TULP3: variants seen among roughly 807,000 people sequenced by gnomAD.
TULP3 encodes TUB like protein 3.
TULP3 carries 38 observed loss-of-function variants against 50.7 expected under a neutral mutation model. The ratio of observed to expected loss-of-function variants is 0.75; its 90% CI spans 0.58 to 0.98. The LOEUF is 0.98. TULP3 is among the 50% of genes least tolerant of loss of function. TULP3 has a pLI of 0.00. For synonymous variants in TULP3, 183 were observed against 196.6 expected (o/e 0.93, Z 0.58); for missense variants, 550 against 568.0 (o/e 0.97, Z 0.32).
At position 2,897,077 on chromosome 12, in the gene TULP3, C is replaced by T. The variant is rs983988949; in HGVS notation, c.41+6089C>T. On this transcript the variant is annotated intron_variant, in intron 1 of 10. Transcript: ENST00000448120. Reference sequence around the variant, plus strand: ...AGGCTGGAGTGCAGTGGCAGGATCTCGGCTCATGGCAACCTCCACCTCCTG... The same window carrying T: ...AGGCTGGAGTGCAGTGGCAGGATCTTGGCTCATGGCAACCTCCACCTCCTG... Among the ~76,000 whole-genome samples the T allele has an allele frequency of 2.6e-5, 4 of 152,000 alleles. No individual in the cohort carries two copies. The South Asian group carries it at 6.2e-4, about 24-fold the overall frequency.
intron 2 of TULP3, among the ~76,000 whole-genome samples, chr12:2,910,797 T>TACACAC (rs540803747): frequency 6.6e-6 from 1 of 152,056 alleles, no homozygotes; most frequent in Non-Finnish European, 1.5e-5. Flanking sequence ...AAAATTCTGT[T>TACACAC]ACACACACAC....
At chr12:2,936,688 G>A (rs1370930577) in intron 8 of TULP3, among the ~76,000 whole-genome samples, 3 of 152,116 alleles carry the variant, frequency 2.0e-5, no homozygotes, top group Middle Eastern at 3.4e-3. Flanking sequence ...GGCGGAGGTT[G>A]TGGTGAGCTG....
chr12:2,900,023 T>C (rs1490916946), intron 1 of TULP3, among the ~76,000 whole-genome samples: 1 of 151,692 alleles, frequency 6.6e-6, no homozygotes, highest in Non-Finnish European at 1.5e-5. Flanking sequence ...GAGACTAGCC[T>C]GGCCAATGTG....
chr12:2,897,681 G>T (rs2098176338), intron 1 of TULP3, among the ~76,000 whole-genome samples: 1 of 149,402 alleles, frequency 6.7e-6, no homozygotes, highest in Non-Finnish European at 1.5e-5. Context: ...GGCTAGTCTT[G>T]AACTCGGGCC....
At chr12:2,921,050 T>C (rs2098191393) in intron 3 of TULP3, 128 bp downstream of exon 3, 1 of 1,109,530 alleles carries the variant, frequency 9.0e-7, no homozygotes. Context: ...TCATAAATCT[T>C]TATAATCACA....
chr12:2,905,909 G>A (rs1237639270), intron 1 of TULP3, among the ~76,000 whole-genome samples: 7 of 151,820 alleles, frequency 4.6e-5, no homozygotes, highest in Admixed American at 4.6e-4. Flanking sequence ...TGAGAACAGA[G>A]TGCAGATTTG....
chr12:2,899,355 A>C (rs1227869517), intron 1 of TULP3, among the ~76,000 whole-genome samples: 6 of 151,820 alleles, frequency 4.0e-5, no homozygotes, highest in Non-Finnish European at 8.8e-5. Flanking sequence ...CAAAAAAAAA[A>C]AAAAAAAAAC....
intron 2 of TULP3, 46 bp from the exon 3 acceptor site, chr12:2,920,717 C>T (rs1591531876): frequency 6.2e-7 from 1 of 1,605,914 alleles, no homozygotes; most frequent in Non-Finnish European, 8.5e-7. Flanking sequence ...ATGGTTAGGT[C>T]ATGTCAAAAC....
chr12:2,919,399 T>C (rs1312487771), intron 2 of TULP3, among the ~76,000 whole-genome samples: 1 of 152,186 alleles, frequency 6.6e-6, no homozygotes, highest in African/African-American at 2.4e-5. Context: ...CCCAATCTTT[T>C]CCCTCTATAT....
Position 2,929,826 on chromosome 12 carries a change from T to A in TULP3, c.395-422T>A, listed in dbSNP as rs570072564. 3.3e-5 allele frequency among the ~76,000 whole-genome samples: 5 copies of A among 151,840 alleles called. No homozygotes were observed. The South Asian group carries it at 1.0e-3, about 32-fold the overall frequency. On this transcript the variant is annotated intron_variant, in intron 4 of 10. Transcript: ENST00000448120. Reference sequence around the variant, plus strand: ...GGATGGTCTCAATCTCCTGACTTCGTGATCTGCCCACCTCAGCCTCCCAAA... The same window carrying A: ...GGATGGTCTCAATCTCCTGACTTCGAGATCTGCCCACCTCAGCCTCCCAAA...
rs1164485588 is a variant in TULP3, at chr12:2,939,468, T to A, written c.*24T>A. The A allele has an allele frequency of 6.2e-7, 1 of 1,613,260 alleles. No individual in the cohort carries two copies. The highest frequency in any genetic ancestry group is 1.1e-5 in the South Asian group (1 of 90,898). ...GAGAGAACAGTCAGGCAGGGAGCCC[T>A]TCTCCCCACAGAGCTTTCAGGAGCA... On this transcript the variant is annotated 3_prime_UTR_variant, in exon 11 of 11. Transcript: ENST00000448120. This position sits in a 1 kb window ranked among gnomAD's most constrained non-coding sequence, Gnocchi z 4.0.
At chr12:2,893,983 T>G (rs147355125) in intron 1 of TULP3, among the ~76,000 whole-genome samples, 1 of 151,618 alleles carries the variant, frequency 6.6e-6, no homozygotes, top group African/African-American at 2.4e-5. Flanking sequence ...AAATTGGAGG[T>G]GAAATTTGAA....
At chr12:2,929,803 A>C (rs926980632) in intron 4 of TULP3, among the ~76,000 whole-genome samples, 8 of 151,842 alleles carry the variant, frequency 5.3e-5, no homozygotes, top group Non-Finnish European at 8.8e-5. Flanking sequence ...GTTAGCCAGG[A>C]TGGTCTCAAT....
At chr12:2,894,167 T>C (rs997156036) in intron 1 of TULP3, among the ~76,000 whole-genome samples, 6 of 151,906 alleles carry the variant, frequency 3.9e-5, no homozygotes, top group African/African-American at 1.5e-4. Flanking sequence ...GCTGGAGTCA[T>C]CTAAGAAATC....
In TULP3 at chr12:2,939,843, G is replaced by A; in HGVS notation, c.*399G>A. 1 of 1,193,148 alleles carries A rather than the reference G, an allele frequency of 8.4e-7. No individual in the cohort carries two copies. Among genetic ancestry groups the A allele is most frequent in the Non-Finnish European group, 1.1e-6 (1 of 943,464 alleles). The allele number at this position is 1,193,148 out of a possible 1,614,324, so 73.9% of individuals were successfully genotyped here. On this transcript the variant is annotated 3_prime_UTR_variant, in exon 11 of 11. Transcript: ENST00000448120. The surrounding 1 kb of genome is among the most constrained non-coding windows in gnomAD (Gnocchi z 4.0). ...CCGCGCACTCTCACTCCTTTTCCAG[G>A]TTTCATAGACTTGGTGAGGGATCAC...
intron 2 of TULP3, among the ~76,000 whole-genome samples, chr12:2,916,361 C>CT (rs2098188703): frequency 1.3e-5 from 2 of 151,544 alleles, no homozygotes; most frequent in African/African-American, 4.9e-5. Flanking sequence ...ATCTGATCTC[C>CT]TTTAATTTCT....
intron 2 of TULP3, among the ~76,000 whole-genome samples, chr12:2,911,731 A>C (rs1267790682): frequency 1.9e-5 from 2 of 106,828 alleles, no homozygotes; most frequent in African/African-American, 7.4e-5. Context: ...TAGAGACATA[A>C]AATTTTATAG....
rs1292976314 is a variant in TULP3 at position 2,922,358 on chromosome 12, A to T, written c.350A>T (p.Asp117Val). Residue 117 changes from aspartate (D) to valine (V), a missense_variant, in exon 4 of 11, where the codon GAT (aspartate) becomes GTT (valine). Transcript: ENST00000448120. ...GAAGAAGATGCTGAAAACACCGTGG[A>T]TACTGCTTCCAAGCCAGGACTTCAG... is the stretch of plus-strand genomic sequence containing the variant. ...VVEEDAENTV[D>V]TASKPGLQER... 6.2e-7 allele frequency: 1 copy of T among 1,614,076 alleles called. No individual in the cohort carries two copies. Among genetic ancestry groups the T allele is most frequent in the Middle Eastern group, 1.6e-4 (1 of 6,062 alleles).
rs1247937045 is a variant in TULP3 at position 2,940,551 on chromosome 12, T to G, written c.*1107T>G. ...CCAGAATGTATCCAAACCTTGAGAA[T>G]GCAGGAGCTCTGTGAGCTCCACCGT... is the stretch of plus-strand genomic sequence containing the variant. On this transcript the variant is annotated 3_prime_UTR_variant, in exon 11 of 11. Coordinates refer to ENST00000448120, the MANE Select transcript of TULP3 (RefSeq NM_003324.5). 1.3e-6 allele frequency: 2 copies of G among 1,550,878 alleles called. No homozygotes were observed. The highest frequency in any genetic ancestry group is 1.7e-6 in the Non-Finnish European group (2 of 1,146,602).
Sources: gnomAD v4.1 joint callset for allele counts (sites outside exome capture counted in the v4.1 genomes callset) on GRCh38, gnomAD v4.1.1 for gene constraint, Gnocchi (gnomAD v3.1) non-coding constraint, MANE v1.5 for transcripts, NCBI Gene and HGNC (gene_info 2026-07-23, HGNC 2026-07-21) for gene names.